The following CDYL variants were observed in gnomAD, a reference collection of about 807,000 sequenced individuals.
CDYL encodes chromodomain Y like, also known as chromodomain Y-like protein.
In CDYL, 8 loss-of-function variants were observed where a neutral mutation model predicts 47.3. The ratio of observed to expected loss-of-function variants is 0.17; its 90% CI spans 0.10 to 0.31. The LOEUF (loss-of-function observed/expected upper bound fraction) is 0.31. Ranked by LOEUF, CDYL falls within the 10% of genes least tolerant of loss-of-function variation. CDYL has a pLI of 1.00. For missense variants in CDYL, 471 were observed against 701.4 expected (o/e 0.67, Z 3.71); for synonymous variants, 266 against 265.0 (o/e 1.00, Z -0.04).
chr6:4,921,680 CTGTT>C (rs1346824035), intron 2 of CDYL, among the ~76,000 whole-genome samples: 4 of 152,312 alleles, frequency 2.6e-5, no homozygotes, highest in Non-Finnish European at 5.9e-5. Context: ...TGGCTGCAGT[CTGTT>C]TGTTTCCATC....
intron 1 of CDYL, among the ~76,000 whole-genome samples, chr6:4,710,778 C>T (rs886843764): frequency 2.0e-5 from 3 of 152,140 alleles, no homozygotes; most frequent in Non-Finnish European, 2.9e-5. Context: ...AAGCTATTCC[C>T]TCCTCCTCAA....
At position 4,955,532 on chromosome 6, in the gene CDYL, ATTTC is replaced by A. The variant is rs1758843893; in HGVS notation, c.*1479_*1482del. 1.3e-5 allele frequency: 2 copies of A among 152,592 alleles called. No individual in the cohort carries two copies. The highest frequency in any genetic ancestry group is 4.8e-5 in the African/African-American group (2 of 41,450). 9.5% of individuals were successfully genotyped at this position (152,592 alleles called of 1,614,324 possible). On this transcript the variant is annotated 3_prime_UTR_variant, in exon 7 of 7. Transcript: ENST00000397588. The stretch of plus-strand genomic sequence containing the variant: ...TGAAAACTGGTTAAATAAAACTAAT[ATTTC>A]TTAACACATTTGAAATGTTTCTCTG...
At chr6:4,768,669 G>A (rs1251734186) in intron 3 of CDYL, among the ~76,000 whole-genome samples, 5 of 152,132 alleles carry the variant, frequency 3.3e-5, no homozygotes, top group East Asian at 1.9e-4. Flanking sequence ...CTCTGCCCTC[G>A]AGGGGAAACA....
At chr6:4,823,192 G>T (rs1450727631) in intron 1 of CDYL, among the ~76,000 whole-genome samples, 1 of 152,124 alleles carries the variant, frequency 6.6e-6, no homozygotes, top group African/African-American at 2.4e-5. Context: ...GTATATTTCC[G>T]TGACATTTAC....
intron 2 of CDYL, among the ~76,000 whole-genome samples, chr6:4,906,243 G>A (rs1757233738): frequency 6.6e-6 from 1 of 152,202 alleles, no homozygotes; most frequent in South Asian, 2.1e-4. Context: ...TGTTCACATT[G>A]TAATTGTAGC....
At chr6:4,817,135 G>T (rs1161412541) in intron 1 of CDYL, among the ~76,000 whole-genome samples, 1 of 151,890 alleles carries the variant, frequency 6.6e-6, no homozygotes, top group Non-Finnish European at 1.5e-5. Flanking sequence ...TATTTTTTTG[G>T]TGGTATCTTT....
At chr6:4,729,874 C>T (rs1196474186) in intron 2 of CDYL, among the ~76,000 whole-genome samples, 1 of 151,938 alleles carries the variant, frequency 6.6e-6, no homozygotes, top group Admixed American at 6.6e-5. Flanking sequence ...GCCACGATCA[C>T]GCTACTACAC....
rs1356697600 is a variant in CDYL at position 4,776,836 on chromosome 6, GC to G, written c.24+35del. 1.0e-5 allele frequency: 8 copies of G among 786,976 alleles called. No individual in the cohort carries two copies. The South Asian group carries it at 3.2e-4, about 32-fold the overall frequency. 48.7% of individuals were successfully genotyped at this position (786,976 alleles called of 1,614,324 possible). ...CCTCCCCTCCCCCCGGCCTCGGGCC[GC>G]CCCCCGCCCGCCGCCCCTCCCGGCC... is the stretch of plus-strand genomic sequence containing the variant. On this transcript the variant is annotated intron_variant, in intron 1 of 6. Transcript: ENST00000397588.
chr6:4,777,034 G>GA (rs1344161212), intron 1 of CDYL, among the ~76,000 whole-genome samples: 1 of 146,578 alleles, frequency 6.8e-6, no homozygotes, highest in Non-Finnish European at 1.5e-5. Context: ...GGGGGGGGGG[G>GA]TCCCAGCCGT....
intron 1 of CDYL, among the ~76,000 whole-genome samples, chr6:4,826,952 C>G (rs748519658): frequency 6.6e-6 from 1 of 152,138 alleles, no homozygotes; most frequent in African/African-American, 2.4e-5. Flanking sequence ...TTCCCTTCAG[C>G]TTTGTCAATA....
intron 3 of CDYL, among the ~76,000 whole-genome samples, chr6:4,750,028 T>C (rs56256019): frequency 0.017 from 2,593 of 152,160 alleles, 71 homozygotes; most frequent in African/African-American, 0.051. Context: ...AGGTAACAGC[T>C]ACTTAGTCTT....
intron 2 of CDYL, among the ~76,000 whole-genome samples, chr6:4,931,998 C>T (rs1423168138): frequency 2.0e-5 from 3 of 152,256 alleles, no homozygotes; most frequent in East Asian, 1.9e-4. Context: ...AATGTTGCTT[C>T]GGTGGAAGGA....
At chr6:4,712,761 C>A (rs1344244762) in intron 1 of CDYL, among the ~76,000 whole-genome samples, 1 of 152,202 alleles carries the variant, frequency 6.6e-6, no homozygotes, top group Non-Finnish European at 1.5e-5. Context: ...GAGAGCAAAG[C>A]AAAGCATTCA....
At chr6:4,813,644 C>T (rs1759588232) in intron 1 of CDYL, among the ~76,000 whole-genome samples, 1 of 152,292 alleles carries the variant, frequency 6.6e-6, no homozygotes, top group Middle Eastern at 3.4e-3. Flanking sequence ...TGTGCACATG[C>T]TGTTCTGGTT....
intron 5 of CDYL, among the ~76,000 whole-genome samples, chr6:4,950,714 GTCAGGAGA>G (rs1758672911): frequency 6.6e-6 from 1 of 152,078 alleles, no homozygotes; most frequent in African/African-American, 2.4e-5. Flanking sequence ...GGATCACGAG[GTCAGGAGA>G]TCGAGACCAT....
intron 2 of CDYL, among the ~76,000 whole-genome samples, chr6:4,904,079 G>C (rs779362281): frequency 3.3e-5 from 5 of 152,226 alleles, no homozygotes; most frequent in Non-Finnish European, 5.9e-5. Context: ...GTGGTTGACA[G>C]AGCCATGCCA....
At chr6:4,720,405 G>T (rs1330408175) in intron 2 of CDYL, among the ~76,000 whole-genome samples, 1 of 152,170 alleles carries the variant, frequency 6.6e-6, no homozygotes, top group Non-Finnish European at 1.5e-5. Context: ...CACCTAGTAG[G>T]CATGAAATAA....
chr6:4,925,159 G>C (rs138627442), intron 2 of CDYL, among the ~76,000 whole-genome samples: 1 of 152,208 alleles, frequency 6.6e-6, no homozygotes, highest in East Asian at 1.9e-4. Context: ...AGCTGGGTGC[G>C]GTTGTGCATT....
chr6:4,941,349 T>C (rs1474200144), intron 4 of CDYL, among the ~76,000 whole-genome samples: 1 of 152,244 alleles, frequency 6.6e-6, no homozygotes, highest in Non-Finnish European at 1.5e-5. Context: ...TAAGCCTTTA[T>C]GGTCCTGGGA....
Sources: gnomAD v4.1 joint callset for allele counts (sites outside exome capture counted in the v4.1 genomes callset) on GRCh38, gnomAD v4.1.1 for gene constraint, MANE v1.5 for transcripts, NCBI Gene and HGNC (gene_info 2026-07-23, HGNC 2026-07-21) for gene names.